The following TRIM33 variants were observed in gnomAD, a reference collection of about 807,000 sequenced individuals.
The protein encoded by TRIM33 is tripartite motif containing 33.
In TRIM33, 20 loss-of-function variants were observed where a neutral mutation model predicts 125.4. That is an observed-to-expected ratio of 0.16 (90% CI 0.11 to 0.23). The LOEUF is 0.23. Ranked by LOEUF, TRIM33 falls within the 10% of genes least tolerant of loss-of-function variation. TRIM33 has a pLI of 1.00. For synonymous variants in TRIM33, 564 were observed against 513.9 expected, an observed-to-expected ratio of 1.10 and a Z score of -1.32; for missense variants, 920 against 1,411.4, an observed-to-expected ratio of 0.65 and a Z score of 5.58.
intron 1 of TRIM33, among the ~76,000 whole-genome samples, chr1:114,503,949 T>C (rs1470001249): frequency 6.6e-6 from 1 of 152,202 alleles, no homozygotes; most frequent in African/African-American, 2.4e-5. Flanking sequence ...TCTTCCACTT[T>C]CTTCCGCAGC....
intron 5 of TRIM33, among the ~76,000 whole-genome samples, chr1:114,431,431 A>G (rs139983585): frequency 6.6e-6 from 1 of 152,330 alleles, no homozygotes; most frequent in East Asian, 1.9e-4. Flanking sequence ...TTCCCTTTGT[A>G]TACAGTAAAG....
At chr1:114,415,515 A>G (rs1652879566) in intron 11 of TRIM33, among the ~76,000 whole-genome samples, 2 of 152,092 alleles carry the variant, frequency 1.3e-5, no homozygotes, top group African/African-American at 4.8e-5. Flanking sequence ...TTATCTTTCA[A>G]GTCCAAATTT....
intron 1 of TRIM33, among the ~76,000 whole-genome samples, chr1:114,489,142 G>C (rs536647709): frequency 6.6e-6 from 1 of 152,222 alleles, no homozygotes; most frequent in Non-Finnish European, 1.5e-5. Flanking sequence ...CATTTACCCA[G>C]TCAACTAATT....
At chr1:114,469,489 G>C (rs1407173677) in intron 1 of TRIM33, among the ~76,000 whole-genome samples, 2 of 152,202 alleles carry the variant, frequency 1.3e-5, no homozygotes. Flanking sequence ...CTCTGTCAGA[G>C]AGATGTGATA....
At chr1:114,461,782 G>A (rs1320331745) in intron 4 of TRIM33, among the ~76,000 whole-genome samples, 2 of 152,144 alleles carry the variant, frequency 1.3e-5, no homozygotes, top group African/African-American at 4.8e-5. Context: ...TCTGACTGCA[G>A]CTGTGAAAAA....
chr1:114,439,468 C>CAAAAAAAAAAAAAAAAA (rs59231995), intron 4 of TRIM33, among the ~76,000 whole-genome samples: 1 of 45,964 alleles, frequency 2.2e-5, no homozygotes, highest in Non-Finnish European at 3.8e-5. Context: ...GACTCTGTAT[C>CAAAAAAAAAAAAAAAAA]AAAAAAAAAA....
chr1:114,464,553 A>G (rs894071641), intron 1 of TRIM33, among the ~76,000 whole-genome samples, 165 bp from the exon 2 acceptor site: 1 of 152,208 alleles, frequency 6.6e-6, no homozygotes, highest in African/African-American at 2.4e-5. Context: ...TAAAAGTGAT[A>G]CTCTATTTAG....
At chr1:114,436,292 G>C (rs1171585337) in intron 4 of TRIM33, among the ~76,000 whole-genome samples, 1 of 148,516 alleles carries the variant, frequency 6.7e-6, no homozygotes, top group Non-Finnish European at 1.5e-5. Context: ...GTCCCAGCTA[G>C]TTGAGATGCG....
Position 114,396,066 on chromosome 1 carries a change from C to CA in TRIM33, c.*1581dup. 5.0e-6 allele frequency: 1 copy of CA among 200,442 alleles called. No homozygotes were observed. Among genetic ancestry groups the CA allele is most frequent in the Non-Finnish European group, 1.0e-5 (1 of 97,188 alleles). 12.4% of individuals were successfully genotyped at this position (200,442 alleles called of 1,614,324 possible). A position where few individuals can be genotyped will look rare whatever the true frequency, so the allele number is the denominator to read the frequency against. On this transcript the variant is annotated 3_prime_UTR_variant, in exon 20 of 20. Transcript: ENST00000358465. Reference sequence around the variant, plus strand: ...AAAAAGGCAAATAAATGATTTGCCACAAATCTGCTGACTTCTGAAAAATAT... The same window carrying CA: ...AAAAAGGCAAATAAATGATTTGCCACAAAATCTGCTGACTTCTGAAAAATAT...
chr1:114,472,747 AAC>A (rs1272922470), intron 1 of TRIM33, among the ~76,000 whole-genome samples: 1 of 152,004 alleles, frequency 6.6e-6, no homozygotes, highest in Non-Finnish European at 1.5e-5. Context: ...ACAAAAACAA[AAC>A]ACAGAGGAAG....
chr1:114,463,589 A>T, intron 2 of TRIM33, 33 bp from the exon 3 acceptor site: 3 of 1,373,504 alleles, frequency 2.2e-6, no homozygotes, highest in Non-Finnish European at 3.0e-6. Flanking sequence ...ATCTAAATTA[A>T]ATACATAAAA....
chr1:114,407,031 C>T lies in TRIM33; in HGVS notation c.2328G>A (p.Lys776=), dbSNP rs1652288627. 6.2e-7 allele frequency: 1 copy of T among 1,613,906 alleles called. No individual in the cohort carries two copies. The highest frequency in any genetic ancestry group is 1.7e-5 in the Admixed American group (1 of 59,998). The change falls in exon 14 of 20, where the codon AAG becomes AAA. Residue 776 remains lysine (K), a synonymous_variant. Coordinates refer to ENST00000358465, the MANE Select transcript of TRIM33 (RefSeq NM_015906.4). Reference sequence around the variant, plus strand: ...TTTCATCTTCAGTCCCAGGTTCTTGCTTGACCTTCACCTGATCAGATTTGA... The same window carrying T: ...TTTCATCTTCAGTCCCAGGTTCTTGTTTGACCTTCACCTGATCAGATTTGA... ...LSFKSDQVKV[K]QEPGTEDEIC... is the part of the protein sequence containing the mutation.
chr1:114,420,513 T>G, intron 11 of TRIM33: 1 of 836,808 alleles, frequency 1.2e-6, no homozygotes, highest in Non-Finnish European at 1.8e-6. Context: ...AATCCACCAT[T>G]ATTGTACTTC....
At chr1:114,433,408 T>C (rs1260711946) in intron 5 of TRIM33, among the ~76,000 whole-genome samples, 7 of 152,188 alleles carry the variant, frequency 4.6e-5, no homozygotes, top group African/African-American at 1.7e-4. Flanking sequence ...CTTATTAAAA[T>C]AGACAAAGAT....
At chr1:114,428,713 A>G (rs1185205700) in intron 6 of TRIM33, among the ~76,000 whole-genome samples, 1 of 152,222 alleles carries the variant, frequency 6.6e-6, no homozygotes. Flanking sequence ...GGTTTACTAC[A>G]TTTCTTTTAT....
intron 1 of TRIM33, among the ~76,000 whole-genome samples, chr1:114,504,515 C>T (rs1049731283): frequency 3.9e-5 from 6 of 152,062 alleles, no homozygotes; most frequent in East Asian, 1.9e-4. Context: ...TAAATGTCAG[C>T]GCAGTGAATA....
At chr1:114,434,201 G>A (rs898757153) in intron 4 of TRIM33, among the ~76,000 whole-genome samples, 5 of 152,026 alleles carry the variant, frequency 3.3e-5, no homozygotes, top group Non-Finnish European at 1.5e-5. Flanking sequence ...ATAAAGACAA[G>A]GTCTATGTTA....
At chr1:114,470,889 T>C (rs527489171) in intron 1 of TRIM33, among the ~76,000 whole-genome samples, 1 of 152,316 alleles carries the variant, frequency 6.6e-6, no homozygotes, top group African/African-American at 2.4e-5. Context: ...AAGCTTCGAC[T>C]TCCTGGGCTC....
Position 114,405,659 on chromosome 1 carries a change from A to G in TRIM33, c.2519T>C (p.Ile840Thr), listed in dbSNP as rs6537825. Residue 840 changes from isoleucine to threonine, a missense_variant, in exon 15 of 20, where the codon ATT (isoleucine) becomes ACT (threonine). Physicochemically the swap from Ile to Thr is moderately conservative, Grantham distance 89. This residue lies in a region of TRIM33 where 407 missense variants were observed against 589.7 expected (regional missense o/e 0.69). Coordinates refer to ENST00000358465, the MANE Select transcript of TRIM33 (RefSeq NM_015906.4). ...GCTTTCATTCATATCTGCAGGTTCA[A>G]TTTTCACATGGTTTTCCAGGCTTGC... ...ALASLENHVK[I>T]EPADMNESCK... 1,482,809 of 1,614,150 alleles carry G rather than the reference A, an allele frequency of 0.92. 684,209 individuals carry two copies. The highest frequency in any genetic ancestry group is 0.97 in the African/African-American group (72,849 of 75,050).
Sources: allele counts gnomAD v4.1 joint callset (sites outside exome capture counted in the v4.1 genomes callset), GRCh38; gene constraint gnomAD v4.1.1; regional missense constraint gnomAD v4.1.1; transcripts MANE v1.5; gene names NCBI Gene and HGNC (gene_info 2026-07-23, HGNC 2026-07-21).